The following DOCK2 variants were observed in gnomAD, a reference collection of about 807,000 sequenced individuals.
DOCK2 encodes the protein dedicator of cytokinesis 2.
Under a neutral mutation model 248.9 loss-of-function variants are expected in DOCK2, and 87 were observed. That is an observed-to-expected ratio of 0.35 (90% CI 0.29 to 0.42). The LOEUF (loss-of-function observed/expected upper bound fraction) is 0.42, where lower values mean the gene tolerates loss of function less well. Among genes scored for constraint, DOCK2 ranks in the 10% least tolerant of loss-of-function variants. The probability of loss-of-function intolerance (pLI) is 1.00; values close to 1 mark genes in which losing one functional copy is unlikely to be tolerated. For missense variants in DOCK2, 1,747 were observed against 2,300.2 expected (o/e 0.76, Z 4.92); for synonymous variants, 805 against 821.6 (o/e 0.98, Z 0.35).
chr5:169,948,503 T>G (rs1188565069), intron 27 of DOCK2, among the ~76,000 whole-genome samples: 1 of 152,148 alleles, frequency 6.6e-6, no homozygotes. Context: ...CTGACTATCA[T>G]CTACCTACAC....
At chr5:169,681,916 A>G in intron 7 of DOCK2, 37 bp downstream of exon 7, 7 of 1,609,238 alleles carry the variant, frequency 4.3e-6, no homozygotes, top group Non-Finnish European at 5.9e-6. Context: ...CAAGTGATAC[A>G]ATCATTTAGC....
At chr5:169,655,417 G>A (rs1561572438) in intron 2 of DOCK2, among the ~76,000 whole-genome samples, 1 of 152,206 alleles carries the variant, frequency 6.6e-6, no homozygotes, top group Admixed American at 6.5e-5. Context: ...AGGGAGTGAC[G>A]GTCAGGGAGG....
intron 25 of DOCK2, among the ~76,000 whole-genome samples, chr5:169,771,919 G>A (rs1413064590): frequency 6.6e-6 from 1 of 152,150 alleles, no homozygotes; most frequent in Non-Finnish European, 1.5e-5. Context: ...TATATAGTGT[G>A]AGTAGGAATC....
At chr5:169,957,987 T>G (rs1776935216) in intron 27 of DOCK2, among the ~76,000 whole-genome samples, 1 of 152,152 alleles carries the variant, frequency 6.6e-6, no homozygotes, top group South Asian at 2.1e-4. Context: ...CAGCTCACCT[T>G]GACTGAGATG....
rs1248380098 is a variant in DOCK2, at chr5:169,800,944, C to CTTTCTTTTTTTTTTTTTTTTTTTTTT, written c.2555-2111_2555-2110insCTTTTTTTTTTTTTTTTTTTTTTTTT. ...TTTTTCTTTTTTCTTTTCTTTCTTT[C>CTTTCTTTTTTTTTTTTTTTTTTTTTT]TTTTTTTTTTTTTTTTTTTTTTTTT... On this transcript the variant is annotated intron_variant, in intron 25 of 51. Transcript: ENST00000520908. 3.8e-5 allele frequency among the ~76,000 whole-genome samples: 2 copies of CTTTCTTTTTTTTTTTTTTTTTTTTTT among 53,194 alleles called. 1 individual carries two copies. Among genetic ancestry groups the CTTTCTTTTTTTTTTTTTTTTTTTTTT allele is most frequent in the African/African-American group, 2.8e-4 (2 of 7,136 alleles). 34.9% of individuals were successfully genotyped at this position (53,194 alleles called of 152,430 possible).
chr5:169,699,889 C>A, intron 12 of DOCK2, 125 bp from the exon 13 acceptor site: 1 of 1,386,906 alleles, frequency 7.2e-7, no homozygotes, highest in Non-Finnish European at 9.8e-7. Flanking sequence ...TGGGTGGCTG[C>A]ATCTGTGGCT....
chr5:169,670,670 T>A (rs1052229669), intron 4 of DOCK2, 73 bp downstream of exon 4: 2 of 1,568,018 alleles, frequency 1.3e-6, no homozygotes, highest in South Asian at 2.3e-5. Flanking sequence ...ATTTTGAAAA[T>A]CTGACTTGGA....
chr5:169,849,937 G>A (rs1259807053), intron 27 of DOCK2, among the ~76,000 whole-genome samples: 3 of 152,230 alleles, frequency 2.0e-5, no homozygotes, highest in Admixed American at 2.0e-4. Context: ...CCTGCTAAAT[G>A]AATGAAAGAT....
In DOCK2 at chr5:169,815,200, T is replaced by TGG. The variant is rs1266012853; in HGVS notation, c.2703+11995_2703+11996dup. Among the ~76,000 whole-genome samples, 5 of 152,138 alleles carry TGG rather than the reference T, an allele frequency of 3.3e-5. No individual in the cohort carries two copies. In the East Asian group the frequency reaches 7.7e-4, roughly 23 times the overall value. ...TTGCCTGGCGGGCATGGAAAATGGT[T>TGG]GGTTTGGCATTGCTTAGGGATGGTC... On this transcript the variant is annotated intron_variant, in intron 26 of 51. Coordinates refer to ENST00000520908, the MANE Select transcript of DOCK2 (RefSeq NM_004946.3).
chr5:169,672,268 A>G (rs930417536), intron 5 of DOCK2, among the ~76,000 whole-genome samples: 3 of 152,066 alleles, frequency 2.0e-5, no homozygotes, highest in African/African-American at 7.2e-5. Flanking sequence ...TTGGCCTTCC[A>G]AAGTGCTGAG....
At chr5:169,746,931 AG>A (rs1175861587) in intron 22 of DOCK2, among the ~76,000 whole-genome samples, 1 of 152,232 alleles carries the variant, frequency 6.6e-6, no homozygotes, top group Non-Finnish European at 1.5e-5. Context: ...AGGAAGGGAA[AG>A]CAATGGCCCC....
intron 22 of DOCK2, among the ~76,000 whole-genome samples, chr5:169,728,034 G>T (rs1452874898): frequency 6.6e-6 from 1 of 152,196 alleles, no homozygotes; most frequent in African/African-American, 2.4e-5. Flanking sequence ...TACTGGGGAA[G>T]AGGAGAGGAA....
At chr5:169,716,896 C>T (rs115495334) in intron 20 of DOCK2, among the ~76,000 whole-genome samples, 1,561 of 152,216 alleles carry the variant, frequency 0.01, 27 homozygotes, top group African/African-American at 0.035. Flanking sequence ...AAGTGTTAAC[C>T]CCTTGTGTCA....
chr5:169,678,291 T>G (rs1759452735), intron 6 of DOCK2, among the ~76,000 whole-genome samples: 1 of 152,162 alleles, frequency 6.6e-6, no homozygotes, highest in Non-Finnish European at 1.5e-5. Flanking sequence ...TTTTTTCTTT[T>G]TTGAGACAGA....
At chr5:169,803,708 T>TCTC (rs1365260399) in intron 26 of DOCK2, among the ~76,000 whole-genome samples, 1 of 152,186 alleles carries the variant, frequency 6.6e-6, no homozygotes, top group Non-Finnish European at 1.5e-5. Context: ...GGTAGGGAGA[T>TCTC]GCCTGTGGCC....
intron 25 of DOCK2, among the ~76,000 whole-genome samples, chr5:169,775,325 T>G (rs1765324720): frequency 1.3e-5 from 2 of 152,286 alleles, no homozygotes; most frequent in Non-Finnish European, 2.9e-5. Flanking sequence ...CTATAGGGAT[T>G]GGTGAGGACT....
At chr5:169,970,316 C>T (rs1306063369) in intron 27 of DOCK2, among the ~76,000 whole-genome samples, 1 of 152,148 alleles carries the variant, frequency 6.6e-6, no homozygotes, top group Non-Finnish European at 1.5e-5. Context: ...AACCTGGATA[C>T]CTATTTGGTC....
intron 47 of DOCK2, 103 bp from the exon 48 acceptor site, chr5:170,077,606 GC>G (rs1241579193): frequency 1.3e-6 from 2 of 1,525,508 alleles, no homozygotes. Flanking sequence ...GCTCCACTCA[GC>G]CCCACAACTC....
At chr5:170,081,621 C>T in intron 50 of DOCK2, 1 of 569,750 alleles carries the variant, frequency 1.8e-6, no homozygotes, top group Non-Finnish European at 3.0e-6. Context: ...AGCCAGGAGG[C>T]TGAACCCTTG....
Sources: allele counts gnomAD v4.1 joint callset (sites outside exome capture counted in the v4.1 genomes callset), GRCh38; gene constraint gnomAD v4.1.1; transcripts MANE v1.5; gene names NCBI Gene and HGNC (gene_info 2026-07-23, HGNC 2026-07-21).